Variants in TMTC2 observed in about 807,000 individuals in gnomAD.
TMTC2 encodes the protein transmembrane O-mannosyltransferase targeting cadherins 2.
A neutral mutation model predicts 82.4 loss-of-function variants in TMTC2; 43 were observed. That is an observed-to-expected ratio of 0.52 (90% CI 0.41 to 0.67). The LOEUF (loss-of-function observed/expected upper bound fraction) is 0.67, where lower values mean the gene tolerates loss of function less well. Ranked by LOEUF, TMTC2 falls within the 30% of genes least tolerant of loss-of-function variation. The pLI, the probability that TMTC2 is intolerant of heterozygous loss-of-function variation, is 0.00. For missense variants in TMTC2, 919 were observed against 1,012.4 expected, an observed-to-expected ratio of 0.91 and a Z score of 1.25; for synonymous variants, 408 against 381.9, an observed-to-expected ratio of 1.07 and a Z score of -0.80.
At chr12:82,792,190 A>G (rs1208027541) in intron 1 of TMTC2, among the ~76,000 whole-genome samples, 1 of 152,138 alleles carries the variant, frequency 6.6e-6, no homozygotes, top group Non-Finnish European at 1.5e-5. Context: ...ATGATACGTT[A>G]GCATTATTAT....
At chr12:83,018,980 G>A (rs1405531107) in intron 8 of TMTC2, among the ~76,000 whole-genome samples, 1 of 152,144 alleles carries the variant, frequency 6.6e-6, no homozygotes, top group African/African-American at 2.4e-5. Flanking sequence ...GGTAATTAGA[G>A]TACATATGGT....
intron 8 of TMTC2, among the ~76,000 whole-genome samples, chr12:83,014,116 C>T (rs531964571): frequency 6.6e-6 from 1 of 152,210 alleles, no homozygotes; most frequent in African/African-American, 2.4e-5. Flanking sequence ...TTTTAGATTA[C>T]AAAGTTATTT....
At chr12:82,931,705 T>C (rs1191596263) in intron 4 of TMTC2, among the ~76,000 whole-genome samples, 3 of 152,174 alleles carry the variant, frequency 2.0e-5, no homozygotes, top group African/African-American at 4.8e-5. Context: ...CTGGGTTTGC[T>C]CCATTTTCTG....
In TMTC2 at chr12:82,719,081, A is replaced by AT. The variant is rs1430615174; in HGVS notation, c.83+31413dup. 2.3e-3 allele frequency among the ~76,000 whole-genome samples: 144 copies of AT among 61,484 alleles called. 2 individuals are homozygous for AT. Among genetic ancestry groups the AT allele is most frequent in the South Asian group, 7.6e-3 (11 of 1,440 alleles). The allele number at this position is 61,484 out of a possible 152,430, so 40.3% of individuals were successfully genotyped here. ...ATTTTATATATATATATATATATAT[A>AT]TATATTTTTTTTTTTTTTTTTTTTT... On this transcript the variant is annotated intron_variant, in intron 1 of 11. Coordinates refer to ENST00000321196, the MANE Select transcript of TMTC2 (RefSeq NM_152588.3).
chr12:83,099,365 A>G (rs1592745612), intron 11 of TMTC2, among the ~76,000 whole-genome samples: 1 of 152,234 alleles, frequency 6.6e-6, no homozygotes, highest in South Asian at 2.1e-4. Context: ...TTTTTTGTAT[A>G]ATAAAATTCT....
intron 9 of TMTC2, among the ~76,000 whole-genome samples, chr12:83,050,384 C>A (rs1000864264): frequency 2.0e-5 from 3 of 152,140 alleles, no homozygotes; most frequent in African/African-American, 7.2e-5. Flanking sequence ...TGCAGTAATT[C>A]TAACCTTGTA....
chr12:83,083,183 T>G (rs1883531515), intron 11 of TMTC2, among the ~76,000 whole-genome samples: 2 of 152,214 alleles, frequency 1.3e-5, no homozygotes, highest in South Asian at 4.1e-4. Context: ...TACAGGAATT[T>G]GTCTGTATAT....
At chr12:82,929,475 A>G (rs1367153994) in intron 3 of TMTC2, among the ~76,000 whole-genome samples, 4 of 152,224 alleles carry the variant, frequency 2.6e-5, no homozygotes, top group Non-Finnish European at 5.9e-5. Flanking sequence ...TAAATTTCTT[A>G]GAGGCACACA....
chr12:82,737,582 T>A (rs546682255), intron 1 of TMTC2, among the ~76,000 whole-genome samples: 2,545 of 152,320 alleles, frequency 0.017, 71 homozygotes, highest in African/African-American at 0.057. Flanking sequence ...GATGCCAGTA[T>A]AAGCAACATA....
chr12:83,128,702 G>A lies in TMTC2; in HGVS notation c.2332-3508G>A, dbSNP rs372898306. ...GCAGGGCCTGAAATTCTGCATTTCTGTCAAGCTGCCAGGGGATGCTGATGC... is the reference window on the plus strand; with the variant it reads ...GCAGGGCCTGAAATTCTGCATTTCTATCAAGCTGCCAGGGGATGCTGATGC... On this transcript the variant is annotated intron_variant, in intron 11 of 11. Coordinates refer to ENST00000321196, the MANE Select transcript of TMTC2 (RefSeq NM_152588.3). Among the ~76,000 whole-genome samples, 161 of 152,256 alleles carry A rather than the reference G, an allele frequency of 1.1e-3. 1 individual carries two copies. Among genetic ancestry groups the A allele is most frequent in the African/African-American group, 3.5e-3 (146 of 41,550 alleles).
At chr12:82,702,030 C>A (rs989850473) in intron 1 of TMTC2, among the ~76,000 whole-genome samples, 1 of 152,104 alleles carries the variant, frequency 6.6e-6, no homozygotes, top group Non-Finnish European at 1.5e-5. Flanking sequence ...TTCCCCTGCC[C>A]CCACCCCAGT....
intron 8 of TMTC2, among the ~76,000 whole-genome samples, chr12:83,001,365 C>CGGT (rs1409966694): frequency 1.3e-5 from 2 of 152,034 alleles, no homozygotes; most frequent in Admixed American, 6.6e-5. Flanking sequence ...GGGCCCAGCA[C>CGGT]GGTGGGTAAT....
intron 4 of TMTC2, among the ~76,000 whole-genome samples, chr12:82,947,052 CT>C (rs1010175176): frequency 6.6e-6 from 1 of 151,848 alleles, no homozygotes; most frequent in Non-Finnish European, 1.5e-5. Context: ...CAGGCATGCA[CT>C]TTCTTTAACA....
chr12:82,978,275 A>G (rs761244281), intron 7 of TMTC2, among the ~76,000 whole-genome samples: 87 of 151,812 alleles, frequency 5.7e-4, no homozygotes, highest in Non-Finnish European at 1.1e-3. Flanking sequence ...GTATATAAAT[A>G]TCTGAGCACT....
At chr12:82,772,907 C>T (rs1396478446) in intron 1 of TMTC2, among the ~76,000 whole-genome samples, 1 of 151,956 alleles carries the variant, frequency 6.6e-6, no homozygotes, top group Non-Finnish European at 1.5e-5. Flanking sequence ...AGCTCTCTTT[C>T]CTAGGTATAA....
chr12:82,737,923 GC>G (rs1479004427), intron 1 of TMTC2, among the ~76,000 whole-genome samples: 1 of 152,190 alleles, frequency 6.6e-6, no homozygotes, highest in African/African-American at 2.4e-5. Context: ...TCTAAAGAAA[GC>G]TTTTTGGGCA....
chr12:82,986,572 G>T (rs1879164862), intron 8 of TMTC2: 1 of 152,902 alleles, frequency 6.5e-6, no homozygotes, highest in African/African-American at 2.4e-5. Context: ...GCCCCAAATT[G>T]GCTATACTTA....
At chr12:82,932,600 G>T (rs912991939) in intron 4 of TMTC2, among the ~76,000 whole-genome samples, 9 of 152,048 alleles carry the variant, frequency 5.9e-5, no homozygotes, top group African/African-American at 1.9e-4. Context: ...TTATGAAAAA[G>T]AATCTTATGA....
intron 1 of TMTC2, among the ~76,000 whole-genome samples, chr12:82,714,148 A>G (rs1453083269): frequency 2.0e-5 from 3 of 152,240 alleles, no homozygotes; most frequent in African/African-American, 7.2e-5. Flanking sequence ...GCAAATCTGT[A>G]GAGGCAGAGA....
Sources: allele counts gnomAD v4.1 joint callset (sites outside exome capture counted in the v4.1 genomes callset), GRCh38; gene constraint gnomAD v4.1.1; transcripts MANE v1.5; gene names NCBI Gene and HGNC (gene_info 2026-07-23, HGNC 2026-07-21).